SYNJ1: variants seen among roughly 807,000 people sequenced by gnomAD.
The protein encoded by SYNJ1 is polyphosphatidylinositol phosphatase SYNJ1.
A neutral mutation model predicts 168.2 loss-of-function variants in SYNJ1; 78 were observed. The ratio of observed to expected loss-of-function variants is 0.46; its 90% CI spans 0.39 to 0.56. The LOEUF is 0.56. Among genes scored for constraint, SYNJ1 ranks in the 20% least tolerant of loss-of-function variants. The probability of loss-of-function intolerance (pLI) is 0.00; values close to 1 mark genes in which losing one functional copy is unlikely to be tolerated. For missense variants in SYNJ1, 1,303 were observed against 1,597.6 expected (o/e 0.82, Z 3.14); for synonymous variants, 539 against 548.6 (o/e 0.98, Z 0.24).
intron 31 of SYNJ1, 37 bp downstream of exon 31, chr21:32,638,871 A>G (rs1330909227): frequency 1.7e-5 from 26 of 1,547,700 alleles, no homozygotes; most frequent in Non-Finnish European, 1.8e-5. Context: ...AATCATATGC[A>G]TCAAAGATAA....
At chr21:32,655,714 A>C (rs117189904) in intron 21 of SYNJ1, among the ~76,000 whole-genome samples, 1,612 of 152,314 alleles carry the variant, frequency 0.011, 10 homozygotes, top group Non-Finnish European at 0.017. Flanking sequence ...CTAACTAAGC[A>C]AATGAATGGT....
At chr21:32,644,718 A>C (rs1195062553) in intron 26 of SYNJ1, among the ~76,000 whole-genome samples, 1 of 152,230 alleles carries the variant, frequency 6.6e-6, no homozygotes, top group Non-Finnish European at 1.5e-5. Flanking sequence ...ATGACTTTTA[A>C]AATTAATATA....
At chr21:32,703,478 C>T (rs1312603829) in intron 2 of SYNJ1, among the ~76,000 whole-genome samples, 5 of 152,152 alleles carry the variant, frequency 3.3e-5, no homozygotes, top group Non-Finnish European at 7.3e-5. Context: ...CTTCTAAATA[C>T]TGCCTCGTTA....
chr21:32,727,982 C>G lies in SYNJ1; in HGVS notation c.-59G>C, dbSNP rs771338654. 1 of 1,535,384 alleles carries G rather than the reference C, an allele frequency of 6.5e-7. No homozygotes were observed. Reference sequence around the variant, plus strand: ...GCTCCTCCTCCTCCTTCTCCCGCAGCCGCCGCCACAGCCGCCGGGAGCGTC... The same window carrying G: ...GCTCCTCCTCCTCCTTCTCCCGCAGGCGCCGCCACAGCCGCCGGGAGCGTC... On this transcript the variant is annotated 5_prime_UTR_variant, in exon 1 of 33. Coordinates refer to ENST00000674351, the MANE Select transcript of SYNJ1 (RefSeq NM_203446.3).
At chr21:32,721,786 A>G (rs1297056900) in intron 2 of SYNJ1, among the ~76,000 whole-genome samples, 3 of 152,230 alleles carry the variant, frequency 2.0e-5, no homozygotes, top group African/African-American at 7.2e-5. Context: ...AACCTTAATA[A>G]TGTGGTTAAC....
intron 3 of SYNJ1, among the ~76,000 whole-genome samples, 177 bp downstream of exon 3, chr21:32,701,784 C>T (rs1363270053): frequency 6.6e-6 from 1 of 152,128 alleles, no homozygotes; most frequent in Non-Finnish European, 1.5e-5. Flanking sequence ...ATGTAGCACG[C>T]CTTTTTGGGC....
chr21:32,635,922 T>G (rs1053034099), intron 31 of SYNJ1, among the ~76,000 whole-genome samples: 1 of 152,164 alleles, frequency 6.6e-6, no homozygotes, highest in Non-Finnish European at 1.5e-5. Flanking sequence ...CAAGCAAGTT[T>G]TGAGGTAAAT....
At position 32,726,753 on chromosome 21, in the gene SYNJ1, G is replaced by A. The variant is rs200402877; in HGVS notation, c.124+19C>T. 25 of 1,613,266 alleles carry A rather than the reference G, an allele frequency of 1.5e-5. No individual in the cohort carries two copies. Among genetic ancestry groups the A allele is most frequent in the Non-Finnish European group, 1.9e-5 (23 of 1,179,718 alleles). The stretch of plus-strand genomic sequence containing the variant: ...CAAAACAGAGACCATGACAAATTGG[G>A]CTCTAACAGATGACTTACAGAGCAC... On this transcript the variant is annotated intron_variant, in intron 2 of 32. Coordinates refer to ENST00000674351, the MANE Select transcript of SYNJ1 (RefSeq NM_203446.3).
intron 4 of SYNJ1, among the ~76,000 whole-genome samples, chr21:32,695,897 A>C (rs1569106117): frequency 6.9e-6 from 1 of 145,956 alleles, no homozygotes; most frequent in Non-Finnish European, 1.5e-5. Context: ...CCCAGGTTGG[A>C]GTGCAGTGGC....
intron 6 of SYNJ1, among the ~76,000 whole-genome samples, chr21:32,691,045 T>C (rs1338042857): frequency 6.6e-6 from 1 of 152,226 alleles, no homozygotes; most frequent in Admixed American, 6.5e-5. Context: ...CAACCAAAAA[T>C]TGGGGGTAGA....
intron 15 of SYNJ1, among the ~76,000 whole-genome samples, chr21:32,667,218 A>G (rs183034507): frequency 4.5e-4 from 69 of 152,284 alleles, no homozygotes; most frequent in Non-Finnish European, 5.7e-4. Flanking sequence ...AAGGACAGCT[A>G]ACTGTGCACA....
chr21:32,710,620 G>A (rs536537421), intron 2 of SYNJ1, among the ~76,000 whole-genome samples: 2 of 152,068 alleles, frequency 1.3e-5, no homozygotes, highest in South Asian at 2.1e-4. Flanking sequence ...AAACCCCTGG[G>A]CTCAAGCGAT....
intron 10 of SYNJ1, among the ~76,000 whole-genome samples, chr21:32,682,524 AC>A (rs1447460800): frequency 6.6e-6 from 1 of 152,228 alleles, no homozygotes; most frequent in Non-Finnish European, 1.5e-5. Flanking sequence ...CTAGAGACTT[AC>A]ACCAGAGCTG....
intron 23 of SYNJ1, 105 bp from the exon 24 acceptor site, chr21:32,646,707 C>T: frequency 1.3e-6 from 1 of 765,876 alleles, no homozygotes; most frequent in South Asian, 1.7e-5. Flanking sequence ...CAAATATGAA[C>T]ATTATGTCAT....
chr21:32,694,143 T>C, intron 6 of SYNJ1, 85 bp downstream of exon 6: 2 of 916,116 alleles, frequency 2.2e-6, no homozygotes, highest in South Asian at 2.5e-5. Context: ...GAACCATCAA[T>C]GAATTAATTA....
At chr21:32,634,840 G>T in intron 32 of SYNJ1, 21 bp downstream of exon 32, 1 of 1,613,126 alleles carries the variant, frequency 6.2e-7, no homozygotes, top group South Asian at 1.1e-5. Context: ...ACACATGTAA[G>T]ATTGATAAAT....
intron 18 of SYNJ1, among the ~76,000 whole-genome samples, chr21:32,658,242 G>A (rs2040539385): frequency 6.6e-6 from 1 of 152,080 alleles, no homozygotes; most frequent in Non-Finnish European, 1.5e-5. Flanking sequence ...CCCCAATCCT[G>A]TGCCCATAAA....
intron 5 of SYNJ1, 43 bp from the exon 6 acceptor site, chr21:32,694,354 G>A (rs1439217526): frequency 2.1e-6 from 3 of 1,447,584 alleles, no homozygotes; most frequent in Non-Finnish European, 2.8e-6. Context: ...CCACAGAAAA[G>A]TTGTTACACT....
chr21:32,672,059 C>CAAAAAAA (rs1160074724), intron 14 of SYNJ1, among the ~76,000 whole-genome samples: 70 of 24,524 alleles, frequency 2.9e-3, no homozygotes, highest in African/African-American at 3.9e-3. Context: ...AACTCAATCT[C>CAAAAAAA]AAAAAAAAAA....
Sources: gnomAD v4.1 joint callset for allele counts (sites outside exome capture counted in the v4.1 genomes callset) on GRCh38, gnomAD v4.1.1 for gene constraint, MANE v1.5 for transcripts, NCBI Gene and HGNC (gene_info 2026-07-23, HGNC 2026-07-21) for gene names.